The following KCNK13 variants were observed in gnomAD, a reference collection of about 807,000 sequenced individuals.
The protein encoded by KCNK13 is potassium two pore domain channel subfamily K member 13.
In KCNK13, 12 loss-of-function variants were observed where a neutral mutation model predicts 23.4. The observed-to-expected ratio is 0.51, with a 90% CI of 0.33 to 0.83. The LOEUF (loss-of-function observed/expected upper bound fraction) is 0.83, where lower values mean the gene tolerates loss of function less well. Among genes scored for constraint, KCNK13 ranks in the 40% least tolerant of loss-of-function variants. The probability of loss-of-function intolerance (pLI) is 0.02; values close to 1 mark genes in which losing one functional copy is unlikely to be tolerated. For missense variants in KCNK13, 463 were observed against 556.3 expected (o/e 0.83, Z 1.69); for synonymous variants, 231 against 229.5 (o/e 1.01, Z -0.06).
intron 1 of KCNK13, among the ~76,000 whole-genome samples, chr14:90,127,793 T>C (rs1330744937): frequency 3.1e-5 from 4 of 129,738 alleles, no homozygotes; most frequent in Non-Finnish European, 6.2e-5. Flanking sequence ...CAGTCCAGCC[T>C]GGTAGACAAA....
chr14:90,143,799 C>G (rs1423266021), intron 1 of KCNK13, among the ~76,000 whole-genome samples: 1 of 152,152 alleles, frequency 6.6e-6, no homozygotes, highest in African/African-American at 2.4e-5. Context: ...AAAAAGAGCC[C>G]AGTTGGCTCC....
intron 1 of KCNK13, among the ~76,000 whole-genome samples, chr14:90,138,655 A>G (rs17799172): frequency 0.16 from 24,659 of 152,216 alleles, 2,289 homozygotes; most frequent in South Asian, 0.29. Flanking sequence ...GGCTTGACAT[A>G]GGATCTCTGA....
At chr14:90,073,716 G>C (rs1442936006) in intron 1 of KCNK13, among the ~76,000 whole-genome samples, 2 of 152,174 alleles carry the variant, frequency 1.3e-5, no homozygotes, top group Non-Finnish European at 2.9e-5. Context: ...TGTCACCCAG[G>C]CTGGAGTGCA....
At chr14:90,067,931 A>C in intron 1 of KCNK13, among the ~76,000 whole-genome samples, 1 of 152,170 alleles carries the variant, frequency 6.6e-6, no homozygotes, top group East Asian at 1.9e-4. Flanking sequence ...AGCTACTCCC[A>C]AAATCTCAGT....
At chr14:90,158,281 G>A (rs1460494403) in intron 1 of KCNK13, among the ~76,000 whole-genome samples, 1 of 152,242 alleles carries the variant, frequency 6.6e-6, no homozygotes, top group East Asian at 1.9e-4. Context: ...AGGGACCACA[G>A]ATAGACTGTG....
chr14:90,184,178 G>A lies in KCNK13; in HGVS notation c.402G>A (p.Gly134=), dbSNP rs150761719. 1.2e-6 allele frequency: 2 copies of A among 1,614,106 alleles called. No homozygotes were observed. The highest frequency in any genetic ancestry group is 2.2e-5 in the East Asian group (1 of 44,900). ...TTCTGATCTTTTACGGCCTTGTTGG[G>A]TGTTCCAGCACCATCTTGTTCTTCA... ...KIFLIFYGLV[G]CSSTILFFNL... The change falls in exon 2 of 2, where the codon GGG becomes GGA. Residue 134 remains glycine (G), a synonymous_variant. Coordinates refer to ENST00000282146, the MANE Select transcript of KCNK13 (RefSeq NM_022054.4). This position sits in a 1 kb window ranked among gnomAD's most constrained non-coding sequence, Gnocchi z 5.6.
At chr14:90,075,334 C>T (rs942090322) in intron 1 of KCNK13, among the ~76,000 whole-genome samples, 8 of 152,194 alleles carry the variant, frequency 5.3e-5, no homozygotes, top group Admixed American at 3.3e-4. Flanking sequence ...CCATTTCCTC[C>T]AGCCTCCATG....
intron 1 of KCNK13, among the ~76,000 whole-genome samples, chr14:90,137,328 T>G (rs992408515): frequency 2.2e-4 from 33 of 151,880 alleles, no homozygotes; most frequent in African/African-American, 7.7e-4. Context: ...TTTATTTTTA[T>G]TTATTTTTTT....
In KCNK13 at chr14:90,184,301, C is replaced by A. The variant is rs1566654578; in HGVS notation, c.525C>A (p.Ser175Arg). ...GACGAGGGGCCCTGCCCCAGGAGAG[C>A]CTGAAGGATGCGGGGCAGTGTGAGG... ...LRRRGALPQE[S>R]LKDAGQCEVD... Residue 175 changes from serine to arginine, a missense_variant, in exon 2 of 2, where the codon AGC becomes AGA. Transcript: ENST00000282146. The surrounding 1 kb of genome is among the most constrained non-coding windows in gnomAD (Gnocchi z 5.6). The A allele has an allele frequency of 6.2e-7, 1 of 1,614,140 alleles. No individual in the cohort carries two copies. The highest frequency in any genetic ancestry group is 1.3e-5 in the African/African-American group (1 of 74,958).
rs568179974 is a variant in KCNK13 at position 90,147,431 on chromosome 14, A to G, written c.335-36680A>G. On this transcript the variant is annotated intron_variant, in intron 1 of 1. Coordinates refer to ENST00000282146, the MANE Select transcript of KCNK13 (RefSeq NM_022054.4). The stretch of plus-strand genomic sequence containing the variant: ...CCTGGCTTGTTTTTTTGGTTGGGAT[A>G]GGATCTTCTTTCTTTCCCTCCTGGT... Among the ~76,000 whole-genome samples the G allele has an allele frequency of 3.7e-3, 6 of 1,622 alleles. No individual in the cohort carries two copies. In the South Asian group the frequency reaches 0.11, roughly 30 times the overall value. 1.1% of individuals were successfully genotyped at this position (1,622 alleles called of 152,430 possible).
intron 1 of KCNK13, among the ~76,000 whole-genome samples, chr14:90,159,946 G>GGTGTGTGT (rs3060015): frequency 1.3e-5 from 2 of 148,244 alleles, no homozygotes; most frequent in Admixed American, 6.7e-5. Context: ...TGTGTGTAGG[G>GGTGTGTGT]GTGTGTGTGT....
chr14:90,063,119 G>T (rs1181605219), intron 1 of KCNK13, among the ~76,000 whole-genome samples: 3 of 152,108 alleles, frequency 2.0e-5, no homozygotes, highest in African/African-American at 7.2e-5. Context: ...TGACCTTTGG[G>T]CTGAATCAAT....
In KCNK13 at chr14:90,184,690, G is replaced by A. The variant is rs1451141445; in HGVS notation, c.914G>A (p.Gly305Glu). Reference sequence around the variant, plus strand: ...GGGTGCTGCCCGCAATGCCAGAGAGGACTCTTGCGATCACGCAGGAACGTG... The same window carrying A: ...GGGTGCTGCCCGCAATGCCAGAGAGAACTCTTGCGATCACGCAGGAACGTG... ...DSGCCPQCQR[G>E]LLRSRRNVVM... is the part of the protein sequence containing the mutation. Residue 305 changes from glycine (G) to glutamate (E), a missense_variant, in exon 2 of 2, where the codon GGA (glycine) becomes GAA (glutamate). By Grantham distance (98) the Gly-to-Glu change is moderately conservative (BLOSUM62 -2). This residue lies in a region of KCNK13 where 166 missense variants were observed against 178.8 expected (regional missense o/e 0.93). Transcript: ENST00000282146. This position sits in a 1 kb window ranked among gnomAD's most constrained non-coding sequence, Gnocchi z 5.6. 3 of 1,614,236 alleles carry A rather than the reference G, an allele frequency of 1.9e-6. No individual in the cohort carries two copies. Among genetic ancestry groups the A allele is most frequent in the African/African-American group, 2.7e-5 (2 of 75,076 alleles).
chr14:90,184,041 A>G lies in KCNK13; in HGVS notation c.335-70A>G. 7.1e-7 allele frequency: 1 copy of G among 1,407,448 alleles called. No homozygotes were observed. Among genetic ancestry groups the G allele is most frequent in the Non-Finnish European group, 9.7e-7 (1 of 1,028,458 alleles). The allele number at this position is 1,407,448 out of a possible 1,614,324, so 87.2% of individuals were successfully genotyped here. Reference sequence around the variant, plus strand: ...CTCTTTAGGTCCTTTGCCAGCCATCAAAGCCAAGACCTAGACCCCATTCAC... The same window carrying G: ...CTCTTTAGGTCCTTTGCCAGCCATCGAAGCCAAGACCTAGACCCCATTCAC... On this transcript the variant is annotated intron_variant, in intron 1 of 1. Transcript: ENST00000282146. The surrounding 1 kb of genome is among the most constrained non-coding windows in gnomAD (Gnocchi z 5.6).
intron 1 of KCNK13, among the ~76,000 whole-genome samples, chr14:90,098,998 A>G (rs373508688): frequency 1.3e-5 from 2 of 151,574 alleles, no homozygotes; most frequent in South Asian, 2.1e-4. Context: ...AATTGCTTGA[A>G]CCCAGGAGGC....
intron 1 of KCNK13, among the ~76,000 whole-genome samples, chr14:90,135,832 C>G (rs1263282486): frequency 1.3e-5 from 2 of 152,166 alleles, no homozygotes; most frequent in African/African-American, 2.4e-5. Flanking sequence ...TTCCCAAAGG[C>G]TTGACCTATC....
At chr14:90,122,254 A>C (rs946101713) in intron 1 of KCNK13, among the ~76,000 whole-genome samples, 6 of 152,088 alleles carry the variant, frequency 3.9e-5, no homozygotes, top group African/African-American at 1.4e-4. Flanking sequence ...TTTCCTCAGA[A>C]GTGAGTAACA....
At chr14:90,156,321 G>A (rs1485153331) in intron 1 of KCNK13, among the ~76,000 whole-genome samples, 2 of 152,144 alleles carry the variant, frequency 1.3e-5, no homozygotes, top group Non-Finnish European at 2.9e-5. Flanking sequence ...AGGACTGAGG[G>A]ATGGGGTGCC....
At chr14:90,155,599 A>G (rs1407204116) in intron 1 of KCNK13, among the ~76,000 whole-genome samples, 2 of 152,214 alleles carry the variant, frequency 1.3e-5, no homozygotes, top group African/African-American at 4.8e-5. Context: ...AGGAAAGGTG[A>G]TGAGAAATGG....
Sources: gnomAD v4.1 joint callset for allele counts (sites outside exome capture counted in the v4.1 genomes callset) on GRCh38, gnomAD v4.1.1 for gene constraint, gnomAD v4.1.1 regional missense constraint, Gnocchi (gnomAD v3.1) non-coding constraint, MANE v1.5 for transcripts, NCBI Gene and HGNC (gene_info 2026-07-23, HGNC 2026-07-21) for gene names.